EIF4G3: variants seen among roughly 807,000 people sequenced by gnomAD.
The protein encoded by EIF4G3 is eukaryotic translation initiation factor 4 gamma 3, also known as eIF-4-gamma 3.
In EIF4G3, 34 loss-of-function variants were observed where a neutral mutation model predicts 186.4. That is an observed-to-expected ratio of 0.18 (90% CI 0.14 to 0.24). The LOEUF is 0.24. Ranked by LOEUF, EIF4G3 falls within the 10% of genes least tolerant of loss-of-function variation. EIF4G3 has a pLI of 1.00. For missense variants in EIF4G3, 1,536 were observed against 1,948.5 expected (o/e 0.79, Z 3.99); for synonymous variants, 673 against 679.5 (o/e 0.99, Z 0.15).
intron 4 of EIF4G3, among the ~76,000 whole-genome samples, chr1:21,035,720 T>C (rs539392447): frequency 1.3e-5 from 2 of 152,240 alleles, no homozygotes; most frequent in East Asian, 3.9e-4. Flanking sequence ...ACAAGTAACC[T>C]GGGGGCCATA....
intron 14 of EIF4G3, among the ~76,000 whole-genome samples, chr1:20,923,771 C>T (rs2094657184): frequency 6.6e-6 from 1 of 150,550 alleles, no homozygotes; most frequent in Admixed American, 6.7e-5. Context: ...CTAACAGGGA[C>T]CATCACTTCC....
chr1:21,040,974 CT>C (rs2093541948), intron 4 of EIF4G3, among the ~76,000 whole-genome samples: 1 of 151,882 alleles, frequency 6.6e-6, no homozygotes, highest in South Asian at 2.1e-4. Context: ...AACACTTTCC[CT>C]TTTTTTGGTC....
chr1:21,117,839 G>A (rs2096856030), intron 2 of EIF4G3, among the ~76,000 whole-genome samples: 1 of 151,016 alleles, frequency 6.6e-6, no homozygotes, highest in Non-Finnish European at 1.5e-5. Flanking sequence ...CAATAAGGAC[G>A]AAGATTGCAT....
chr1:21,162,512 C>T (rs570547389), intron 2 of EIF4G3, among the ~76,000 whole-genome samples: 1 of 150,664 alleles, frequency 6.6e-6, no homozygotes, highest in Non-Finnish European at 1.5e-5. Context: ...TTTGGGAGGC[C>T]GAGGCGGGTG....
At chr1:21,108,496 C>T (rs964899026) in intron 2 of EIF4G3, among the ~76,000 whole-genome samples, 3 of 151,958 alleles carry the variant, frequency 2.0e-5, no homozygotes, top group South Asian at 2.1e-4. Flanking sequence ...CAGTGTAGGA[C>T]GCTATTAAGT....
chr1:20,992,664 CAT>C (rs2081375480), intron 7 of EIF4G3, among the ~76,000 whole-genome samples: 1 of 152,182 alleles, frequency 6.6e-6, no homozygotes, highest in Admixed American at 6.5e-5. Context: ...GAACCAAAAT[CAT>C]ATATCAAAAA....
At chr1:20,926,074 A>ATCTTAT (rs1339984211) in intron 14 of EIF4G3, among the ~76,000 whole-genome samples, 1 of 152,208 alleles carries the variant, frequency 6.6e-6, no homozygotes, top group Non-Finnish European at 1.5e-5. Flanking sequence ...ATATAAAAAT[A>ATCTTAT]TCTTATTTTA....
intron 20 of EIF4G3, among the ~76,000 whole-genome samples, chr1:20,875,026 G>GT (rs1251249580): frequency 6.6e-6 from 1 of 152,184 alleles, no homozygotes; most frequent in Admixed American, 6.5e-5. Context: ...CCAGGCTGGA[G>GT]TAAGTACCAT....
intron 4 of EIF4G3, among the ~76,000 whole-genome samples, chr1:21,028,875 G>A (rs2092447789): frequency 6.6e-6 from 1 of 152,188 alleles, no homozygotes; most frequent in Admixed American, 6.5e-5. Flanking sequence ...GTTTAGACCA[G>A]CTGTATTAAT....
chr1:21,147,992 C>A (rs1222672134), intron 2 of EIF4G3, among the ~76,000 whole-genome samples: 1 of 152,176 alleles, frequency 6.6e-6, no homozygotes, highest in East Asian at 1.9e-4. Context: ...CACCTGTTGA[C>A]TCAGTAATTT....
chr1:20,886,977 T>C (rs113024282), intron 18 of EIF4G3, among the ~76,000 whole-genome samples: 120 of 152,328 alleles, frequency 7.9e-4, no homozygotes, highest in African/African-American at 2.8e-3. Flanking sequence ...TTAAAACCAA[T>C]GTATGTTGCC....
intron 3 of EIF4G3, among the ~76,000 whole-genome samples, chr1:21,058,697 T>G (rs893440748): frequency 6.8e-6 from 1 of 147,660 alleles, no homozygotes; most frequent in African/African-American, 2.5e-5. Flanking sequence ...CAGTAATTTT[T>G]CTTCTTCTTC....
chr1:20,820,728 GAC>G (rs1440740326), intron 33 of EIF4G3, among the ~76,000 whole-genome samples: 2 of 152,250 alleles, frequency 1.3e-5, no homozygotes, highest in African/African-American at 4.8e-5. Flanking sequence ...ATGGGCAGAG[GAC>G]AAAGAGGGTA....
rs1177870466 is a variant in EIF4G3 at position 20,981,741 on chromosome 1, TACAC to T, written c.199-518_199-515del. Among the ~76,000 whole-genome samples the T allele has an allele frequency of 1.8e-4, 25 of 140,310 alleles. 2 individuals carry two copies. Among genetic ancestry groups the T allele is most frequent in the African/African-American group, 5.4e-4 (21 of 39,240 alleles). 92.0% of individuals were successfully genotyped at this position (140,310 alleles called of 152,430 possible). On this transcript the variant is annotated intron_variant, in intron 8 of 36. Coordinates refer to ENST00000602326, the MANE Select transcript of EIF4G3 (RefSeq NM_001391906.1). The stretch of plus-strand genomic sequence containing the variant: ...TACATGTATACGCACATACTGTATA[TACAC>T]ATACATATATGTATACACACATACT...
chr1:21,019,833 G>A (rs1340057858), intron 4 of EIF4G3, among the ~76,000 whole-genome samples: 2 of 152,266 alleles, frequency 1.3e-5, no homozygotes, highest in East Asian at 1.9e-4. Flanking sequence ...GCAGTGAGCC[G>A]AGACTGCACC....
chr1:21,141,916 C>T (rs1309235048), intron 2 of EIF4G3, among the ~76,000 whole-genome samples: 1 of 151,146 alleles, frequency 6.6e-6, no homozygotes, highest in Non-Finnish European at 1.5e-5. Flanking sequence ...ACCTGTGCAA[C>T]AGAGCAAGAC....
At chr1:21,125,869 TAGG>T (rs76014816) in intron 2 of EIF4G3, among the ~76,000 whole-genome samples, 4,367 of 151,222 alleles carry the variant, frequency 0.029, 131 homozygotes, top group East Asian at 0.14. Context: ...ACAACAAACT[TAGG>T]AGGAATGTTC....
intron 12 of EIF4G3, among the ~76,000 whole-genome samples, chr1:20,959,565 C>G (rs2096524344): frequency 6.6e-6 from 1 of 150,952 alleles, no homozygotes; most frequent in South Asian, 2.1e-4. Flanking sequence ...TTTTGCACAG[C>G]AAAAGAAACA....
intron 4 of EIF4G3, among the ~76,000 whole-genome samples, chr1:21,016,505 G>A (rs1466277969): frequency 6.6e-6 from 1 of 152,136 alleles, no homozygotes; most frequent in African/African-American, 2.4e-5. Context: ...GGTCAACACT[G>A]TGAGACTCAA....
Sources: allele counts gnomAD v4.1 joint callset (sites outside exome capture counted in the v4.1 genomes callset), GRCh38; gene constraint gnomAD v4.1.1; transcripts MANE v1.5; gene names NCBI Gene and HGNC (gene_info 2026-07-23, HGNC 2026-07-21).